Variants in TMCO5A observed in about 807,000 individuals in gnomAD.
TMCO5A encodes the protein transmembrane and coiled-coil domains 5A.
In TMCO5A, 34 loss-of-function variants were observed where a neutral mutation model predicts 42.3. The ratio of observed to expected loss-of-function variants is 0.80; its 90% confidence interval spans 0.61 to 1.07. The LOEUF is 1.07. Among genes scored for constraint, TMCO5A ranks in the 50% least tolerant of loss-of-function variants. TMCO5A has a pLI of 0.00. For synonymous variants in TMCO5A, 131 were observed against 115.6 expected, an observed-to-expected ratio of 1.13 and a Z score of -0.86; for missense variants, 357 against 327.9, an observed-to-expected ratio of 1.09 and a Z score of -0.69.
chr15:37,947,739 G>T (rs772594194), intron 11 of TMCO5A, 43 bp downstream of exon 11: 6 of 1,344,998 alleles, frequency 4.5e-6, no homozygotes, highest in Non-Finnish European at 6.3e-6. Flanking sequence ...AAAATTGGGA[G>T]CCCTATTTAG....
At chr15:37,992,891 T>A in the TMCO5A span, among the ~76,000 whole-genome samples, 3 of 152,146 alleles carry the variant, frequency 2.0e-5, no homozygotes, top group Admixed American at 2.0e-4. Flanking sequence ...AACAAATAAC[T>A]ATTTTGTACT....
chr15:37,970,821 T>C (rs896323666), downstream of TMCO5A, among the ~76,000 whole-genome samples: 1 of 152,228 alleles, frequency 6.6e-6, no homozygotes, highest in Non-Finnish European at 1.5e-5. Flanking sequence ...TTTGATTCCA[T>C]GTCTCATATC....
chr15:38,011,895 C>T, the TMCO5A span, among the ~76,000 whole-genome samples: 10 of 152,100 alleles, frequency 6.6e-5, no homozygotes, highest in Admixed American at 4.6e-4. Context: ...GAGGCCAAGG[C>T]GGGCAGATCA....
At chr15:38,010,919 TG>T in the TMCO5A span, among the ~76,000 whole-genome samples, 1 of 152,174 alleles carries the variant, frequency 6.6e-6, no homozygotes, top group East Asian at 1.9e-4. Context: ...AGCTAATTTT[TG>T]TATTTTTGTA....
At chr15:37,953,653 C>T (rs1890215453), downstream of TMCO5A, among the ~76,000 whole-genome samples, 1 of 151,938 alleles carries the variant, frequency 6.6e-6, no homozygotes, top group South Asian at 2.1e-4. Flanking sequence ...TCTTCAATGC[C>T]CCAGCACCAA....
the TMCO5A span, among the ~76,000 whole-genome samples, chr15:38,030,088 G>C: frequency 6.6e-6 from 1 of 152,232 alleles, no homozygotes; most frequent in South Asian, 2.1e-4. Flanking sequence ...CCATGGTAAG[G>C]AGTCTTTTAC....
the TMCO5A span, among the ~76,000 whole-genome samples, chr15:38,030,321 T>C: frequency 1.2e-4 from 18 of 152,314 alleles, no homozygotes; most frequent in Middle Eastern, 3.4e-3. Flanking sequence ...GATTAAGCCA[T>C]GATCCTAGGC....
At chr15:38,026,361 G>A in the TMCO5A span, among the ~76,000 whole-genome samples, 1 of 152,292 alleles carries the variant, frequency 6.6e-6, no homozygotes, top group East Asian at 1.9e-4. Context: ...TTAGCAAAGA[G>A]ACTGGCAGCA....
chr15:37,943,043 G>A (rs1284979972), intron 9 of TMCO5A: 1 of 270,604 alleles, frequency 3.7e-6, no homozygotes, highest in Non-Finnish European at 7.1e-6. Flanking sequence ...GATCCCTGCT[G>A]AACATTGGTT....
chr15:38,019,760 C>G, the TMCO5A span, among the ~76,000 whole-genome samples: 2 of 150,392 alleles, frequency 1.3e-5, no homozygotes, highest in African/African-American at 4.9e-5. Context: ...GGCAGTGCCA[C>G]TATGTCTGGC....
intron 6 of TMCO5A, among the ~76,000 whole-genome samples, chr15:37,940,456 C>A (rs1453236566): frequency 6.6e-6 from 1 of 152,160 alleles, no homozygotes; most frequent in African/African-American, 2.4e-5. Flanking sequence ...ATCATTTAGA[C>A]TTTAGCTCAA....
chr15:38,001,436 G>GTT, the TMCO5A span, among the ~76,000 whole-genome samples: 145 of 128,346 alleles, frequency 1.1e-3, no homozygotes, highest in African/African-American at 3.6e-3. Flanking sequence ...ATTGGATCTT[G>GTT]TTTTTTTTTT....
At chr15:37,998,471 T>A in the TMCO5A span, among the ~76,000 whole-genome samples, 2 of 152,210 alleles carry the variant, frequency 1.3e-5, no homozygotes, top group African/African-American at 4.8e-5. Flanking sequence ...TTACCCTCTG[T>A]GTGTTCTTGG....
chr15:37,958,888 C>T (rs1288368675), intron 11 of TMCO5A, among the ~76,000 whole-genome samples: 1 of 151,902 alleles, frequency 6.6e-6, no homozygotes, highest in Non-Finnish European at 1.5e-5. Context: ...ATCAATGATA[C>T]ACTGGATAAA....
the TMCO5A span, among the ~76,000 whole-genome samples, chr15:38,038,811 T>G: frequency 2.0e-5 from 3 of 152,204 alleles, no homozygotes; most frequent in Non-Finnish European, 4.4e-5. Context: ...ACTAGGAAAC[T>G]TCCAAGTCAT....
At chr15:38,004,384 G>A in the TMCO5A span, among the ~76,000 whole-genome samples, 1 of 152,084 alleles carries the variant, frequency 6.6e-6, no homozygotes, top group African/African-American at 2.4e-5. Context: ...ACCTTCCCCT[G>A]GCCACCCCAT....
intron 10 of TMCO5A, among the ~76,000 whole-genome samples, chr15:37,946,101 C>A (rs185017738): frequency 4.3e-4 from 66 of 152,132 alleles, no homozygotes; most frequent in Admixed American, 3.9e-3. Flanking sequence ...GCCAGTTTTC[C>A]CAGTATCATT....
chr15:37,980,698 G>A, the TMCO5A span, among the ~76,000 whole-genome samples: 1 of 148,138 alleles, frequency 6.8e-6, no homozygotes, highest in South Asian at 2.2e-4. Flanking sequence ...AATGGCAGTG[G>A]AACTCTGAGA....
the TMCO5A span, among the ~76,000 whole-genome samples, chr15:37,976,793 C>CTTTTTTT: frequency 1.2e-3 from 141 of 116,786 alleles, no homozygotes; most frequent in Non-Finnish European, 1.8e-3. Context: ...TTTCTTCTTT[C>CTTTTTTT]TTTTTTTTTT....
Sources: gnomAD v4.1 joint callset for allele counts (sites outside exome capture counted in the v4.1 genomes callset) on GRCh38, gnomAD v4.1.1 for gene constraint, MANE v1.5 for transcripts, NCBI Gene and HGNC (gene_info 2026-07-23, HGNC 2026-07-21) for gene names.